KRTAP19-7: variants seen among roughly 807,000 people sequenced by gnomAD.
KRTAP19-7 encodes the protein keratin-associated protein 19-7.
For synonymous variants in KRTAP19-7, 38 were observed against 31.6 expected (o/e 1.20, Z -0.67); for missense variants, 76 against 78.5 (o/e 0.97, Z 0.12).
Position 30,561,224 on chromosome 21 carries a change from G to A in KRTAP19-7, c.66C>T (p.Gly22=). The A allele has an allele frequency of 1.2e-6, 2 of 1,614,040 alleles. No individual in the cohort carries two copies. The highest frequency in any genetic ancestry group is 2.2e-5 in the South Asian group (2 of 91,072). The change falls in exon 1 of 1, where the codon GGC becomes GGT. Residue 22 remains glycine (G), a synonymous_variant. Coordinates refer to ENST00000334849, the MANE Select transcript of KRTAP19-7 (RefSeq NM_181614.3). ...GYGCGGFGGL[G]YGYSCGCGSF... ...TGCCACATCCACAGCTATAGCCATA[G>A]CCCAGGCCACCGAATCCTCCACAGC...
Position 30,561,092 on chromosome 21 carries a change from A to T in KRTAP19-7, c.*6T>A. ...TCTCACAGAAGACTATATTTCAAGT[A>T]TTTATTCAATAGAATCCAGAAGACC... On this transcript the variant is annotated 3_prime_UTR_variant, in exon 1 of 1. Transcript: ENST00000334849. 1 of 1,613,174 alleles carries T rather than the reference A, an allele frequency of 6.2e-7. No homozygotes were observed. The highest frequency in any genetic ancestry group is 8.5e-7 in the Non-Finnish European group (1 of 1,179,258).
At position 30,560,924 on chromosome 21, in the gene KRTAP19-7, C is replaced by T. The variant is rs1305413582; in HGVS notation, c.*174G>A. On this transcript the variant is annotated 3_prime_UTR_variant, in exon 1 of 1. Transcript: ENST00000334849. ...AATAAAAAAGTGAATATCTGGAGAA[C>T]ATCACTAATCAAATGCCAATATCTA... 3.2e-6 allele frequency: 2 copies of T among 632,260 alleles called. No homozygotes were observed. The highest frequency in any genetic ancestry group is 3.7e-5 in the African/African-American group (2 of 54,474). The allele number at this position is 632,260 out of a possible 1,614,324, so 39.2% of individuals were successfully genotyped here.
Position 30,560,901 on chromosome 21 carries a change from T to C in KRTAP19-7, c.*197A>G. 1.7e-6 allele frequency: 1 copy of C among 583,116 alleles called. No individual in the cohort carries two copies. Among genetic ancestry groups the C allele is most frequent in the Non-Finnish European group, 3.0e-6 (1 of 332,638 alleles). The allele number at this position is 583,116 out of a possible 1,614,324, so 36.1% of individuals were successfully genotyped here. A position where few individuals can be genotyped will look rare whatever the true frequency, so the allele number is the denominator to read the frequency against. On this transcript the variant is annotated 3_prime_UTR_variant, in exon 1 of 1. Coordinates refer to ENST00000334849, the MANE Select transcript of KRTAP19-7 (RefSeq NM_181614.3). ...TAGAGTATAATGGCTCTCCAGCCAA[T>C]AAAAAAGTGAATATCTGGAGAACAT...
At position 30,560,945 on chromosome 21, in the gene KRTAP19-7, A is replaced by G; in HGVS notation, c.*153T>C. 1 of 718,652 alleles carries G rather than the reference A, an allele frequency of 1.4e-6. No individual in the cohort carries two copies. Among genetic ancestry groups the G allele is most frequent in the Non-Finnish European group, 2.3e-6 (1 of 426,082 alleles). The allele number at this position is 718,652 out of a possible 1,614,324, so 44.5% of individuals were successfully genotyped here. On this transcript the variant is annotated 3_prime_UTR_variant, in exon 1 of 1. Coordinates refer to ENST00000334849, the MANE Select transcript of KRTAP19-7 (RefSeq NM_181614.3). Reference sequence around the variant, plus strand: ...AGAACATCACTAATCAAATGCCAATATCTAGTTGATCAAGTTTTCTTCACA... The same window carrying G: ...AGAACATCACTAATCAAATGCCAATGTCTAGTTGATCAAGTTTTCTTCACA...
At position 30,561,082 on chromosome 21, in the gene KRTAP19-7, T is replaced by C. The variant is rs1351675631; in HGVS notation, c.*16A>G. ...GAATTGGGAATCTCACAGAAGACTA[T>C]ATTTCAAGTATTTATTCAATAGAAT... On this transcript the variant is annotated 3_prime_UTR_variant, in exon 1 of 1. Coordinates refer to ENST00000334849, the MANE Select transcript of KRTAP19-7 (RefSeq NM_181614.3). The C allele has an allele frequency of 1.9e-6, 3 of 1,611,140 alleles. No individual in the cohort carries two copies. Among genetic ancestry groups the C allele is most frequent in the South Asian group, 1.1e-5 (1 of 90,988 alleles).
rs890578264 is a variant in KRTAP19-7, at chr21:30,561,293, G to T, written c.-4C>A. Reference sequence around the variant, plus strand: ...AGTAGCTGCCGGAGTAGCTCATGTTGTCAGAAGTGGTTAGCTGTTGTAGGT... The same window carrying T: ...AGTAGCTGCCGGAGTAGCTCATGTTTTCAGAAGTGGTTAGCTGTTGTAGGT... On this transcript the variant is annotated 5_prime_UTR_variant, in exon 1 of 1. Transcript: ENST00000334849. 2 of 1,613,684 alleles carry T rather than the reference G, an allele frequency of 1.2e-6. No homozygotes were observed. Among genetic ancestry groups the T allele is most frequent in the African/African-American group, 2.7e-5 (2 of 74,910 alleles).
At position 30,561,127 on chromosome 21, in the gene KRTAP19-7, C is replaced by A. The variant is rs1233341196; in HGVS notation, c.163G>T (p.Gly55Trp). The change falls in exon 1 of 1, where the codon GGG (glycine) becomes TGG (tryptophan). Residue 55 changes from glycine (G) to tryptophan (W), a missense_variant. By Grantham distance (184) the Gly-to-Trp change is radical. Transcript: ENST00000334849. ...TAGAATCCAGAAGACCAGTATCCCC[C>A]ATAGCATGATGGGTGGCAGCAGCTG... Reference protein sequence around the residue: ...RYSCCHPSCYGGYWSSGFY With the variant: ...RYSCCHPSCYWGYWSSGFY 6.2e-7 allele frequency: 1 copy of A among 1,614,098 alleles called. No homozygotes were observed. The highest frequency in any genetic ancestry group is 1.7e-5 in the Admixed American group (1 of 60,026).
Position 30,561,193 on chromosome 21 carries a change from G to C in KRTAP19-7, c.97C>G (p.Arg33Gly). The change falls in exon 1 of 1, where the codon CGC becomes GGC. Residue 33 changes from arginine to glycine, a missense_variant. Coordinates refer to ENST00000334849, the MANE Select transcript of KRTAP19-7 (RefSeq NM_181614.3). ...TAGCCACAGCCATAGCCCAGTCTGC[G>C]GAAGCTGCCACATCCACAGCTATAG... is the stretch of plus-strand genomic sequence containing the variant. ...YGYSCGCGSF[R>G]RLGYGCGYGG... The C allele has an allele frequency of 1.2e-6, 2 of 1,614,044 alleles. No homozygotes were observed. Among genetic ancestry groups the C allele is most frequent in the East Asian group, 4.5e-5 (2 of 44,860 alleles).
rs752420526 is a variant in KRTAP19-7 at position 30,561,062 on chromosome 21, G to A, written c.*36C>T. The A allele has an allele frequency of 1.3e-6, 2 of 1,593,878 alleles. No homozygotes were observed. Among genetic ancestry groups the A allele is most frequent in the Non-Finnish European group, 1.7e-6 (2 of 1,164,424 alleles). On this transcript the variant is annotated 3_prime_UTR_variant, in exon 1 of 1. Transcript: ENST00000334849. ...TGGAATAAAGTTTCTTGGAAGAATT[G>A]GGAATCTCACAGAAGACTATATTTC...
Position 30,561,265 on chromosome 21 carries a change from C to T in KRTAP19-7, c.25G>A (p.Gly9Arg). The change falls in exon 1 of 1, where the codon GGA (glycine) becomes AGA (arginine). Residue 9 changes from glycine (G) to arginine (R), a missense_variant. Physicochemically the swap from Gly to Arg is moderately radical, Grantham distance 125 (BLOSUM62 -2). Transcript: ENST00000334849. MSYSGSYY[G>R]GLGYGCGGFG... ...CCTCCACAGCCGTAGCCTAGGCCTC[C>T]ATAGTAGCTGCCGGAGTAGCTCATG... 6.2e-7 allele frequency: 1 copy of T among 1,614,042 alleles called. No individual in the cohort carries two copies. Among genetic ancestry groups the T allele is most frequent in the Non-Finnish European group, 8.5e-7 (1 of 1,179,976 alleles).
chr21:30,561,135 G>A lies in KRTAP19-7; in HGVS notation c.155C>T (p.Ser52Leu). ...GGYRYSCCHP[S>L]CYGGYWSSGF... is the part of the protein sequence containing the mutation. ...AGAAGACCAGTATCCCCCATAGCATGATGGGTGGCAGCAGCTGTATCTGTA... is the reference window on the plus strand; with the variant it reads ...AGAAGACCAGTATCCCCCATAGCATAATGGGTGGCAGCAGCTGTATCTGTA... The change falls in exon 1 of 1, where the codon TCA becomes TTA. Residue 52 changes from serine (S) to leucine (L), a missense_variant. Transcript: ENST00000334849. 2.5e-6 allele frequency: 4 copies of A among 1,614,106 alleles called. No homozygotes were observed. Among genetic ancestry groups the A allele is most frequent in the Non-Finnish European group, 3.4e-6 (4 of 1,179,980 alleles).
the KRTAP19-7 span, chr21:30,561,166 CAT>C: frequency 1.2e-6 from 2 of 1,614,118 alleles, no homozygotes; most frequent in South Asian, 2.2e-5. Context: ...CTGTAGCCTC[CAT>C]AGCCACAGCC....
In KRTAP19-7 at chr21:30,560,925, A is replaced by G; in HGVS notation, c.*173T>C. On this transcript the variant is annotated 3_prime_UTR_variant, in exon 1 of 1. Coordinates refer to ENST00000334849, the MANE Select transcript of KRTAP19-7 (RefSeq NM_181614.3). ...ATAAAAAAGTGAATATCTGGAGAAC[A>G]TCACTAATCAAATGCCAATATCTAG... The G allele has an allele frequency of 4.7e-6, 3 of 638,112 alleles. No individual in the cohort carries two copies. Among genetic ancestry groups the G allele is most frequent in the Non-Finnish European group, 8.1e-6 (3 of 368,360 alleles). 39.5% of individuals were successfully genotyped at this position (638,112 alleles called of 1,614,324 possible).
In KRTAP19-7 at chr21:30,561,159, T is replaced by C. The variant is rs753469811; in HGVS notation, c.131A>G (p.Tyr44Cys). 1.9e-6 allele frequency: 3 copies of C among 1,614,134 alleles called. No homozygotes were observed. Among genetic ancestry groups the C allele is most frequent in the Non-Finnish European group, 2.5e-6 (3 of 1,179,966 alleles). The part of the protein sequence containing the change: ...RLGYGCGYGG[Y>C]RYSCCHPSCY... ...TGATGGGTGGCAGCAGCTGTATCTG[T>C]AGCCTCCATAGCCACAGCCATAGCC... The change falls in exon 1 of 1, where the codon TAC (tyrosine) becomes TGC (cysteine). Residue 44 changes from tyrosine to cysteine, a missense_variant. Transcript: ENST00000334849.
Position 30,561,020 on chromosome 21 carries a change from G to C in KRTAP19-7, c.*78C>G. ...AAGCAGCTGTTTTGTTATGGAATATGGAATTCCATATGGTTATGGAATAAA... is the reference window on the plus strand; with the variant it reads ...AAGCAGCTGTTTTGTTATGGAATATCGAATTCCATATGGTTATGGAATAAA... On this transcript the variant is annotated 3_prime_UTR_variant, in exon 1 of 1. Transcript: ENST00000334849. The C allele has an allele frequency of 7.2e-7, 1 of 1,398,104 alleles. No individual in the cohort carries two copies. Among genetic ancestry groups the C allele is most frequent in the Non-Finnish European group, 1.0e-6 (1 of 997,392 alleles). The allele number at this position is 1,398,104 out of a possible 1,614,324, so 86.6% of individuals were successfully genotyped here. A position where few individuals can be genotyped will look rare whatever the true frequency, so the allele number is the denominator to read the frequency against.
chr21:30,561,278 G>T lies in KRTAP19-7; in HGVS notation c.12C>A (p.Ser4=), dbSNP rs151076773. 6.2e-7 allele frequency: 1 copy of T among 1,613,732 alleles called. No homozygotes were observed. The highest frequency in any genetic ancestry group is 8.5e-7 in the Non-Finnish European group (1 of 1,179,902). ...AGCCTAGGCCTCCATAGTAGCTGCC[G>T]GAGTAGCTCATGTTGTCAGAAGTGG... MSY[S]GSYYGGLGYG... is the part of the protein sequence containing the mutation. Residue 4 remains serine (S), a synonymous_variant, in exon 1 of 1, where the codon TCC becomes TCA. Transcript: ENST00000334849.
Position 30,561,155 on chromosome 21 carries a change from T to C in KRTAP19-7, c.135A>G (p.Arg45=). The change falls in exon 1 of 1, where the codon AGA becomes AGG. Residue 45 remains arginine (R), a synonymous_variant. Transcript: ENST00000334849. ...AGCATGATGGGTGGCAGCAGCTGTA[T>C]CTGTAGCCTCCATAGCCACAGCCAT... ...LGYGCGYGGY[R]YSCCHPSCYG... The C allele has an allele frequency of 6.2e-7, 1 of 1,614,084 alleles. No individual in the cohort carries two copies. Among genetic ancestry groups the C allele is most frequent in the Non-Finnish European group, 8.5e-7 (1 of 1,179,952 alleles).
At position 30,561,016 on chromosome 21, in the gene KRTAP19-7, ATATGGAATTCCATATGGT is replaced by A; in HGVS notation, c.*64_*81del. On this transcript the variant is annotated 3_prime_UTR_variant, in exon 1 of 1. Coordinates refer to ENST00000334849, the MANE Select transcript of KRTAP19-7 (RefSeq NM_181614.3). ...ATCCAAGCAGCTGTTTTGTTATGGAATATGGAATTCCATATGGTTATGGAATAAAGTTTCTTGGAAGAA... is the reference window on the plus strand; with the variant it reads ...ATCCAAGCAGCTGTTTTGTTATGGAATATGGAATAAAGTTTCTTGGAAGAA... The A allele has an allele frequency of 7.1e-7, 1 of 1,408,822 alleles. No individual in the cohort carries two copies. The highest frequency in any genetic ancestry group is 9.9e-7 in the Non-Finnish European group (1 of 1,008,634). 87.3% of individuals were successfully genotyped at this position (1,408,822 alleles called of 1,614,324 possible). A position where few individuals can be genotyped will look rare whatever the true frequency, so the allele number is the denominator to read the frequency against.
rs1979254345 is a variant in KRTAP19-7, at chr21:30,560,977, T to G, written c.*121A>C. ...TGATCAAGTTTTCTTCACACTATTG[T>G]CAAAAGGCAGGTGATCCAAGCAGCT... On this transcript the variant is annotated 3_prime_UTR_variant, in exon 1 of 1. Transcript: ENST00000334849. The G allele has an allele frequency of 2.1e-6, 2 of 975,544 alleles. No individual in the cohort carries two copies. Among genetic ancestry groups the G allele is most frequent in the Non-Finnish European group, 3.1e-6 (2 of 636,374 alleles). The allele number at this position is 975,544 out of a possible 1,614,324, so 60.4% of individuals were successfully genotyped here.
Sources: allele counts gnomAD v4.1 joint callset, GRCh38; gene constraint gnomAD v4.1.1; transcripts MANE v1.5; gene names NCBI Gene and HGNC (gene_info 2026-07-23, HGNC 2026-07-21).